Variants in AGPAT5 observed in about 807,000 individuals in gnomAD.
The protein encoded by AGPAT5 is 1-acyl-sn-glycerol-3-phosphate acyltransferase epsilon.
In AGPAT5, 46 loss-of-function variants were observed where a neutral mutation model predicts 45.6. The ratio of observed to expected loss-of-function variants is 1.01; its 90% CI spans 0.80 to 1.29. AGPAT5 has a LOEUF of 1.29. Ranked by LOEUF, AGPAT5 falls within the 50% of genes most tolerant of loss-of-function variation. The pLI, the probability that AGPAT5 is intolerant of heterozygous loss-of-function variation, is 0.00. For missense variants in AGPAT5, 673 were observed against 450.7 expected (o/e 1.49, Z -4.47); for synonymous variants, 272 against 167.0 (o/e 1.63, Z -4.85).
At chr8:6,709,364 T>A (rs1800062418) in intron 1 of AGPAT5, 1 of 169,796 alleles carries the variant, frequency 5.9e-6, no homozygotes. Flanking sequence ...AAGAAATGAA[T>A]ACATTTGTTA....
intron 1 of AGPAT5, among the ~76,000 whole-genome samples, chr8:6,720,992 T>C (rs1298440527): frequency 1.3e-5 from 2 of 152,198 alleles, no homozygotes; most frequent in Non-Finnish European, 2.9e-5. Flanking sequence ...TGAAAGCTTA[T>C]GAAGAAGGCT....
At chr8:6,731,372 G>A (rs1013714016) in intron 3 of AGPAT5, among the ~76,000 whole-genome samples, 7 of 152,142 alleles carry the variant, frequency 4.6e-5, no homozygotes, top group African/African-American at 1.4e-4. Flanking sequence ...AAAATCTAAG[G>A]TGTTCAAGAC....
chr8:6,725,374 TCTTC>T (rs1266806236), intron 2 of AGPAT5, among the ~76,000 whole-genome samples: 1 of 152,244 alleles, frequency 6.6e-6, no homozygotes, highest in African/African-American at 2.4e-5. Context: ...TAGTGTCTGC[TCTTC>T]CTTTCCTTCT....
chr8:6,730,963 G>C (rs931133491), intron 3 of AGPAT5, 137 bp downstream of exon 3: 4 of 469,174 alleles, frequency 8.5e-6, no homozygotes, highest in Non-Finnish European at 1.5e-5. Context: ...TGACCTCTGG[G>C]GCTCAAGTGA....
intron 5 of AGPAT5, chr8:6,745,782 T>A (rs1416891079): frequency 7.2e-5 from 11 of 152,102 alleles, no homozygotes. Context: ...TGCCCTTTAT[T>A]ATTCTCAGCC....
chr8:6,733,646 T>C (rs1800943938), intron 4 of AGPAT5, among the ~76,000 whole-genome samples: 1 of 152,296 alleles, frequency 6.6e-6, no homozygotes, highest in African/African-American at 2.4e-5. Flanking sequence ...TTGGGCAGAA[T>C]TGTGGTCATT....
At chr8:6,716,798 A>C (rs1300048250) in intron 1 of AGPAT5, among the ~76,000 whole-genome samples, 1 of 152,126 alleles carries the variant, frequency 6.6e-6, no homozygotes, top group African/African-American at 2.4e-5. Context: ...GCACCATTGC[A>C]CTCCAGACTG....
At chr8:6,742,807 T>C (rs774294161) in intron 5 of AGPAT5, among the ~76,000 whole-genome samples, 2 of 152,206 alleles carry the variant, frequency 1.3e-5, no homozygotes, top group African/African-American at 4.8e-5. Context: ...TTTAAACACA[T>C]GTCCTATTAA....
intron 1 of AGPAT5, among the ~76,000 whole-genome samples, chr8:6,723,551 A>T (rs553156052): frequency 6.6e-6 from 1 of 152,060 alleles, no homozygotes; most frequent in Non-Finnish European, 1.5e-5. Context: ...GTGCATACTC[A>T]ATGGTCTTGA....
At position 6,759,255 on chromosome 8, in the gene AGPAT5, C is replaced by A. The variant is rs1160655852; in HGVS notation, c.*1867C>A. On this transcript the variant is annotated 3_prime_UTR_variant, in exon 8 of 8. Coordinates refer to ENST00000285518, the MANE Select transcript of AGPAT5 (RefSeq NM_018361.5). ...TGTTCTAAATTTGAACTTTGAGAGG[C>A]AATACTGTTGGAATTATGTGGATTC... 5 of 152,114 alleles carry A rather than the reference C, an allele frequency of 3.3e-5. No homozygotes were observed. In the South Asian group the frequency reaches 6.2e-4, roughly 19 times the overall value. 9.4% of individuals were successfully genotyped at this position (152,114 alleles called of 1,614,324 possible).
Position 6,755,060 on chromosome 8 carries a change from G to A in AGPAT5, c.755G>A (p.Cys252Tyr). The A allele has an allele frequency of 6.3e-7, 1 of 1,587,414 alleles. No individual in the cohort carries two copies. Among genetic ancestry groups the A allele is most frequent in the Non-Finnish European group, 8.5e-7 (1 of 1,169,720 alleles). The change falls in exon 7 of 8, where the codon TGC becomes TAC. Residue 252 changes from cysteine (C) to tyrosine (Y), a missense_variant. Coordinates refer to ENST00000285518, the MANE Select transcript of AGPAT5 (RefSeq NM_018361.5). ...TTTTGTTCTTTGTTAGAATTTCTCT[G>A]CAAAGAATGTCCAAAAATTCATATT... Reference protein sequence around the residue: ...RESPTMTEFLCKECPKIHIHI... With the variant: ...RESPTMTEFLYKECPKIHIHI...
chr8:6,721,579 A>G (rs1342097490), intron 1 of AGPAT5, among the ~76,000 whole-genome samples: 9 of 152,236 alleles, frequency 5.9e-5, no homozygotes, highest in Admixed American at 5.9e-4. Flanking sequence ...AGGCAAAGAA[A>G]TAGGTTTGGA....
At chr8:6,715,653 G>A (rs1256280456) in intron 1 of AGPAT5, among the ~76,000 whole-genome samples, 1 of 152,106 alleles carries the variant, frequency 6.6e-6, no homozygotes, top group Admixed American at 6.5e-5. Flanking sequence ...CTGGCAATGT[G>A]GTTATATTGG....
At chr8:6,742,468 T>C (rs1364206907) in intron 5 of AGPAT5, among the ~76,000 whole-genome samples, 1 of 152,188 alleles carries the variant, frequency 6.6e-6, no homozygotes, top group Non-Finnish European at 1.5e-5. Flanking sequence ...GACTGTGATT[T>C]AGTGTGTGAT....
chr8:6,749,842 G>A (rs1340942290), intron 6 of AGPAT5, among the ~76,000 whole-genome samples: 2 of 152,170 alleles, frequency 1.3e-5, no homozygotes, highest in Non-Finnish European at 2.9e-5. Flanking sequence ...GTCCCCTCCT[G>A]TCTAAGAACC....
intron 1 of AGPAT5, among the ~76,000 whole-genome samples, chr8:6,712,406 C>T (rs2928619): frequency 0.72 from 109,701 of 151,968 alleles, 40,112 homozygotes; most frequent in African/African-American, 0.82. Flanking sequence ...AACTGAAATC[C>T]TGATAAATTA....
At chr8:6,720,858 C>G (rs895249679) in intron 1 of AGPAT5, among the ~76,000 whole-genome samples, 5 of 152,170 alleles carry the variant, frequency 3.3e-5, no homozygotes, top group Non-Finnish European at 7.4e-5. Flanking sequence ...CCATGTGTCT[C>G]ATTGATCTCA....
chr8:6,733,367 A>G (rs561034902), intron 4 of AGPAT5, among the ~76,000 whole-genome samples: 3 of 152,056 alleles, frequency 2.0e-5, no homozygotes, highest in Admixed American at 6.6e-5. Context: ...TCCCCTCACC[A>G]GGGGTCCTGG....
intron 4 of AGPAT5, among the ~76,000 whole-genome samples, chr8:6,733,301 G>T (rs921754073): frequency 2.0e-5 from 3 of 152,140 alleles, no homozygotes; most frequent in African/African-American, 4.8e-5. Context: ...GTGTGCACAG[G>T]CTTTCCCTTT....
Sources: gnomAD v4.1 joint callset for allele counts (sites outside exome capture counted in the v4.1 genomes callset) on GRCh38, gnomAD v4.1.1 for gene constraint, MANE v1.5 for transcripts, NCBI Gene and HGNC (gene_info 2026-07-23, HGNC 2026-07-21) for gene names.